Variants in TTBK2 observed in about 807,000 individuals in gnomAD.
TTBK2 encodes the protein tau-tubulin kinase 2.
In TTBK2, 28 loss-of-function variants were observed where a neutral mutation model predicts 110.8. The observed-to-expected ratio is 0.25, with a 90% CI of 0.19 to 0.35. TTBK2 has a LOEUF of 0.35. Among genes scored for constraint, TTBK2 ranks in the 10% least tolerant of loss-of-function variants. TTBK2 has a pLI of 1.00. For missense variants in TTBK2, 1,369 were observed against 1,500.3 expected (o/e 0.91, Z 1.45); for synonymous variants, 532 against 527.3 (o/e 1.01, Z -0.12).
chr15:42,872,690 A>G lies in TTBK2; in HGVS notation c.138T>C (p.Asn46=). 1 of 1,614,106 alleles carries G rather than the reference A, an allele frequency of 6.2e-7. No individual in the cohort carries two copies. The highest frequency in any genetic ancestry group is 8.5e-7 in the Non-Finnish European group (1 of 1,180,014). Residue 46 remains asparagine (N), a synonymous_variant, in exon 3 of 15, where the codon AAT becomes AAC. Coordinates refer to ENST00000267890, the MANE Select transcript of TTBK2 (RefSeq NM_173500.4). ...YDALDMLTRE[N]VALKVESAQQ... ...GAGCTGATTCCACCTTCAGTGCAAC[A>G]TTTTCCCTGGTGAGCATGTCCAAGG...
chr15:42,900,795 G>A (rs1167172574), intron 1 of TTBK2, among the ~76,000 whole-genome samples: 7 of 152,044 alleles, frequency 4.6e-5, no homozygotes, highest in Admixed American at 4.6e-4. Flanking sequence ...TTCCTCTTTT[G>A]TAAATTTACT....
chr15:42,759,846 A>G (rs1458243381), intron 13 of TTBK2, among the ~76,000 whole-genome samples: 1 of 152,186 alleles, frequency 6.6e-6, no homozygotes, highest in Non-Finnish European at 1.5e-5. Context: ...GACACATCAA[A>G]CATGAAAAAG....
chr15:42,765,806 C>A (rs1347529190), intron 13 of TTBK2, among the ~76,000 whole-genome samples: 2 of 152,106 alleles, frequency 1.3e-5, no homozygotes, highest in African/African-American at 2.4e-5. Flanking sequence ...AACTCCAAGA[C>A]ACAAAATTGT....
intron 1 of TTBK2, among the ~76,000 whole-genome samples, chr15:42,882,160 A>T (rs1181896582): frequency 6.6e-6 from 1 of 152,092 alleles, no homozygotes; most frequent in East Asian, 1.9e-4. Flanking sequence ...AAAACTTCAC[A>T]AATTTTGTGA....
At chr15:42,888,119 C>T (rs1182558818) in intron 1 of TTBK2, among the ~76,000 whole-genome samples, 2 of 152,084 alleles carry the variant, frequency 1.3e-5, no homozygotes, top group Non-Finnish European at 2.9e-5. Context: ...CTCATCTCTG[C>T]GTGCAGTGAC....
chr15:42,810,526 C>A, intron 9 of TTBK2, 88 bp downstream of exon 9: 2 of 1,549,968 alleles, frequency 1.3e-6, no homozygotes, highest in Non-Finnish European at 1.8e-6. Context: ...CTCCCCTACT[C>A]ATTTATAACA....
chr15:42,802,134 C>T (rs760535210), intron 9 of TTBK2: 11 of 1,432,018 alleles, frequency 7.7e-6, no homozygotes, highest in Non-Finnish European at 7.8e-6. Context: ...TCTTGATCTG[C>T]TTCTCCTCCT....
chr15:42,779,605 G>A (rs1239635858), intron 11 of TTBK2, among the ~76,000 whole-genome samples: 1 of 152,102 alleles, frequency 6.6e-6, no homozygotes, highest in Non-Finnish European at 1.5e-5. Flanking sequence ...GATGAGCCAA[G>A]GACTTTCAGA....
chr15:42,748,179 G>C (rs1198314467), intron 14 of TTBK2, among the ~76,000 whole-genome samples: 1 of 152,136 alleles, frequency 6.6e-6, no homozygotes, highest in Non-Finnish European at 1.5e-5. Flanking sequence ...AAATAACCCA[G>C]GGCACGGTGG....
chr15:42,894,323 G>A (rs1007915111), intron 1 of TTBK2, among the ~76,000 whole-genome samples: 3 of 152,014 alleles, frequency 2.0e-5, no homozygotes, highest in African/African-American at 4.8e-5. Flanking sequence ...TACAGGCCTA[G>A]ATTTTTTTTC....
chr15:42,807,548 A>G (rs1006186472), intron 9 of TTBK2, among the ~76,000 whole-genome samples: 8 of 151,936 alleles, frequency 5.3e-5, no homozygotes, highest in Non-Finnish European at 8.8e-5. Flanking sequence ...AGCCGGGACT[A>G]CAGGTGCATG....
chr15:42,893,006 G>GTCTCAAAA (rs1895521560), intron 1 of TTBK2, among the ~76,000 whole-genome samples: 1 of 125,810 alleles, frequency 7.9e-6, no homozygotes, highest in African/African-American at 3.1e-5. Context: ...GCAAGACTCT[G>GTCTCAAAA]TCTCAAAAAA....
chr15:42,751,794 C>T (rs560888976), intron 14 of TTBK2, among the ~76,000 whole-genome samples, 180 bp downstream of exon 14: 5 of 152,206 alleles, frequency 3.3e-5, no homozygotes, highest in African/African-American at 9.6e-5. Flanking sequence ...TGTATTTTAC[C>T]GCAATAAATT....
chr15:42,794,533 T>C (rs1890846346), intron 10 of TTBK2, 111 bp downstream of exon 10: 1 of 1,469,006 alleles, frequency 6.8e-7, no homozygotes, highest in South Asian at 1.1e-5. Context: ...ATCCACAGGC[T>C]TTCCCGGATG....
intron 11 of TTBK2, among the ~76,000 whole-genome samples, chr15:42,777,963 T>A (rs1022008899): frequency 1.3e-5 from 2 of 151,948 alleles, no homozygotes; most frequent in Admixed American, 6.6e-5. Context: ...GAAGGAAAGT[T>A]TCCCCAAACC....
In TTBK2 at chr15:42,742,465, G is replaced by A. The variant is rs142828323; in HGVS notation, c.*3330C>T. On this transcript the variant is annotated 3_prime_UTR_variant, in exon 15 of 15. Coordinates refer to ENST00000267890, the MANE Select transcript of TTBK2 (RefSeq NM_173500.4). The stretch of plus-strand genomic sequence containing the variant: ...TGTTCACTATACACTAAAATTAAAC[G>A]CCTCTACGCTGTGCAAGAAATCACT... 5.9e-5 allele frequency: 9 copies of A among 152,226 alleles called. No individual in the cohort carries two copies. In the South Asian group the frequency reaches 6.2e-4, roughly 11 times the overall value. 9.4% of individuals were successfully genotyped at this position (152,226 alleles called of 1,614,324 possible). A position where few individuals can be genotyped will look rare whatever the true frequency, so the allele number is the denominator to read the frequency against.
intron 2 of TTBK2, 43 bp from the exon 3 acceptor site, chr15:42,872,801 G>A (rs757065499): frequency 3.1e-6 from 5 of 1,607,884 alleles, no homozygotes; most frequent in Non-Finnish European, 4.2e-6. Flanking sequence ...ATTACTAGAA[G>A]ATTCTAACTT....
At chr15:42,851,105 G>T (rs192349092) in intron 3 of TTBK2, among the ~76,000 whole-genome samples, 2 of 151,524 alleles carry the variant, frequency 1.3e-5, no homozygotes, top group Non-Finnish European at 2.9e-5. Flanking sequence ...AAAATTAGCC[G>T]GTCGTGGTGG....
At chr15:42,747,052 C>A (rs1321280703) in intron 14 of TTBK2, among the ~76,000 whole-genome samples, 1 of 151,654 alleles carries the variant, frequency 6.6e-6, no homozygotes, top group Non-Finnish European at 1.5e-5. Flanking sequence ...GCAGTCTCGA[C>A]CTCCTGGGCT....
Sources: gnomAD v4.1 joint callset for allele counts (sites outside exome capture counted in the v4.1 genomes callset) on GRCh38, gnomAD v4.1.1 for gene constraint, MANE v1.5 for transcripts, NCBI Gene and HGNC (gene_info 2026-07-23, HGNC 2026-07-21) for gene names.